ANAPC11: variants seen among roughly 807,000 people sequenced by gnomAD.
ANAPC11 encodes the protein anaphase-promoting complex subunit 11.
In ANAPC11, 5 loss-of-function variants were observed where a neutral mutation model predicts 11.8. The observed-to-expected ratio is 0.42, with a 90% CI of 0.22 to 0.89. ANAPC11 has a LOEUF of 0.89. ANAPC11 is among the 40% of genes least tolerant of loss of function. The probability of loss-of-function intolerance (pLI) is 0.28; values close to 1 mark genes in which losing one functional copy is unlikely to be tolerated. For synonymous variants in ANAPC11, 45 were observed against 41.0 expected (o/e 1.10, Z -0.38); for missense variants, 68 against 112.9 (o/e 0.60, Z 1.80).
At chr17:81,898,662 G>A (rs981520466) in intron 3 of ANAPC11, 8 of 153,084 alleles carry the variant, frequency 5.2e-5, no homozygotes, top group Admixed American at 2.0e-4. Context: ...AACAAAGACC[G>A]TGGGAGCCCG....
chr17:81,890,806 G>A (rs748089400), upstream of ANAPC11: 27 of 1,614,090 alleles, frequency 1.7e-5, no homozygotes, highest in Non-Finnish European at 2.3e-5. Flanking sequence ...GCCACTTGTC[G>A]GGAAGTTGTT....
At chr17:81,891,513 T>C (rs1194205980), upstream of ANAPC11, 3 of 1,351,414 alleles carry the variant, frequency 2.2e-6, no homozygotes, top group Non-Finnish European at 9.6e-7. Flanking sequence ...CTGGCTCCGG[T>C]TCAGTTTAAT....
chr17:81,891,814 C>G lies in ANAPC11; in HGVS notation c.-102C>G, dbSNP rs904922423. ...TTATACCTTCCCGCGCGGACGCCGG[C>G]GCTGCCAACGGAAGGGCGGGTAGGG... On this transcript the variant is annotated 5_prime_UTR_variant, in exon 1 of 4. Coordinates refer to ENST00000344877, the MANE Select transcript of ANAPC11 (RefSeq NM_001002248.3). The G allele has an allele frequency of 6.9e-5, 16 of 233,120 alleles. No individual in the cohort carries two copies. Among genetic ancestry groups the G allele is most frequent in the Non-Finnish European group, 1.2e-4 (14 of 119,574 alleles). The allele number at this position is 233,120 out of a possible 1,614,324, so 14.4% of individuals were successfully genotyped here.
At chr17:81,896,143 G>A (rs886391940) in intron 3 of ANAPC11, among the ~76,000 whole-genome samples, 7 of 151,878 alleles carry the variant, frequency 4.6e-5, no homozygotes, top group African/African-American at 1.7e-4. Flanking sequence ...AAAATTAGCC[G>A]GGCATGGTGG....
chr17:81,891,204 G>A, upstream of ANAPC11: 1 of 535,952 alleles, frequency 1.9e-6, no homozygotes, highest in Non-Finnish European at 2.2e-6. Flanking sequence ...CCGGACCTCC[G>A]GGCGGCCGCT....
At chr17:81,899,612 C>G (rs2039871107) in intron 3 of ANAPC11, 1 of 1,513,406 alleles carries the variant, frequency 6.6e-7, no homozygotes, top group Middle Eastern at 2.1e-4. Context: ...AGAGCGCCAC[C>G]TCCTCAGAGA....
intron 1 of ANAPC11, among the ~76,000 whole-genome samples, chr17:81,892,440 G>A (rs1191982638): frequency 6.6e-6 from 1 of 151,710 alleles, no homozygotes. Context: ...CTGCACTCCA[G>A]CCTGGGCGAC....
chr17:81,891,116 G>A (rs2039516440), upstream of ANAPC11: 1 of 628,778 alleles, frequency 1.6e-6, no homozygotes, highest in Non-Finnish European at 2.5e-6. Context: ...GCTGGGAAGG[G>A]TCTCAGCCTC....
Position 81,899,983 on chromosome 17 carries a change from A to G in ANAPC11, c.173A>G (p.His58Arg), listed in dbSNP as rs1428864724. The G allele has an allele frequency of 2.5e-6, 4 of 1,613,084 alleles. No homozygotes were observed. Among genetic ancestry groups the G allele is most frequent in the East Asian group, 2.2e-5 (1 of 44,870 alleles). The change falls in exon 4 of 4, where the codon CAT becomes CGT. Residue 58 changes from histidine (H) to arginine (R), a missense_variant. Transcript: ENST00000344877. ...WGQCSHCFHM[H>R]CILKWLHAQQ... ...CAGTGCTCCCACTGCTTCCACATGCATTGCATCCTCAAGTGGCTGCACGCA... is the reference window on the plus strand; with the variant it reads ...CAGTGCTCCCACTGCTTCCACATGCGTTGCATCCTCAAGTGGCTGCACGCA...
intron 3 of ANAPC11, among the ~76,000 whole-genome samples, chr17:81,895,734 C>CT (rs2039720659): frequency 6.6e-6 from 1 of 152,186 alleles, no homozygotes; most frequent in African/African-American, 2.4e-5. Context: ...CTGTGGGAGG[C>CT]TGAAGTGGAT....
intron 3 of ANAPC11, among the ~76,000 whole-genome samples, chr17:81,895,778 G>A (rs539252251): frequency 2.3e-4 from 35 of 152,262 alleles, no homozygotes; most frequent in Admixed American, 7.8e-4. Context: ...GACCATCCTG[G>A]CCAACATAGT....
intron 1 of ANAPC11, 124 bp downstream of exon 1, chr17:81,891,965 G>C (rs1270497428): frequency 6.2e-6 from 1 of 161,572 alleles, no homozygotes; most frequent in African/African-American, 2.4e-5. Context: ...TGGGGGCGCT[G>C]GGGGCGCTAC....
intron 3 of ANAPC11, among the ~76,000 whole-genome samples, chr17:81,896,898 C>A (rs1186973454): frequency 1.3e-5 from 2 of 150,822 alleles, no homozygotes; most frequent in Non-Finnish European, 3.0e-5. Context: ...CCGCAACCCC[C>A]ACCCTTCTGA....
At chr17:81,891,714 G>C (rs983045875), upstream of ANAPC11, 1 of 829,724 alleles carries the variant, frequency 1.2e-6, no homozygotes. Flanking sequence ...GGGTGAGGCG[G>C]GGAGGCGCGT....
chr17:81,899,693 G>A, intron 3 of ANAPC11: 1 of 1,047,290 alleles, frequency 9.5e-7, no homozygotes, highest in Non-Finnish European at 1.4e-6. Context: ...TGCCCCGGGT[G>A]GAGGCCGCAT....
At position 81,896,282 on chromosome 17, in the gene ANAPC11, C is replaced by T. The variant is rs148499169; in HGVS notation, c.109+1696C>T. On this transcript the variant is annotated intron_variant, in intron 3 of 3. Transcript: ENST00000344877. ...CTAAAAATACAAAAAAGTAGCCGGG[C>T]ATGGTGGTGCATGCCTGTAATCCCA... 7.4e-3 allele frequency among the ~76,000 whole-genome samples: 1,121 copies of T among 152,082 alleles called. 6 individuals are homozygous for T. The highest frequency in any genetic ancestry group is 0.011 in the Non-Finnish European group (738 of 67,966).
upstream of ANAPC11, chr17:81,890,960 G>T: frequency 7.6e-7 from 1 of 1,311,288 alleles, no homozygotes; most frequent in Non-Finnish European, 1.0e-6. Flanking sequence ...TCCCTCCGGC[G>T]CTGCAGCTGC....
At chr17:81,893,755 C>CTTTTTTTTT (rs751340381) in intron 2 of ANAPC11, 141 bp downstream of exon 2, 1 of 123,800 alleles carries the variant, frequency 8.1e-6, no homozygotes. Flanking sequence ...CTTTTTTTTC[C>CTTTTTTTTT]TTTTTTTTTT....
chr17:81,896,948 G>A (rs2039766321), intron 3 of ANAPC11, among the ~76,000 whole-genome samples: 1 of 151,458 alleles, frequency 6.6e-6, no homozygotes, highest in Admixed American at 6.6e-5. Context: ...CAAGTAGCTG[G>A]GATTACAGGC....
Sources: allele counts gnomAD v4.1 joint callset (sites outside exome capture counted in the v4.1 genomes callset), GRCh38; gene constraint gnomAD v4.1.1; transcripts MANE v1.5; gene names NCBI Gene and HGNC (gene_info 2026-07-23, HGNC 2026-07-21).